The following ACSM4 variants were observed in gnomAD, a reference collection of about 807,000 sequenced individuals.
ACSM4 encodes the protein acyl-coenzyme A synthetase ACSM4, mitochondrial.
In ACSM4, 66 loss-of-function variants were observed where a neutral mutation model predicts 73.0. The observed-to-expected ratio is 0.90, with a 90% CI of 0.74 to 1.11. The LOEUF (loss-of-function observed/expected upper bound fraction) is 1.11. Ranked by LOEUF, ACSM4 falls within the 50% of genes least tolerant of loss-of-function variation. The pLI is 0.00. For synonymous variants in ACSM4, 222 were observed against 254.0 expected (o/e 0.87, Z 1.20); for missense variants, 645 against 714.4 (o/e 0.90, Z 1.11).
Position 7,318,097 on chromosome 12 carries a change from T to C in ACSM4, c.836T>C (p.Ile279Thr), listed in dbSNP as rs757950974. 6 of 1,613,776 alleles carry C rather than the reference T, an allele frequency of 3.7e-6. No homozygotes were observed. In the Admixed American group the frequency reaches 5.0e-5, roughly 13 times the overall value. ...MSDTGWVKAAIGSVFSSWLCG... is the reference protein window; with the variant it reads ...MSDTGWVKAATGSVFSSWLCG... ...GACACGGGCTGGGTCAAGGCCGCCA[T>C]TGGCAGTGTGTTTTCTTCCTGGCTG... The change falls in exon 5 of 13, where the codon ATT becomes ACT. Residue 279 changes from isoleucine to threonine, a missense_variant. Coordinates refer to ENST00000399422, the MANE Select transcript of ACSM4 (RefSeq NM_001080454.2).
chr12:7,305,764 G>C (rs143392731), intron 1 of ACSM4, among the ~76,000 whole-genome samples: 1 of 152,202 alleles, frequency 6.6e-6, no homozygotes, highest in Non-Finnish European at 1.5e-5. Context: ...GCTCACAGAC[G>C]AACTGACATG....
intron 5 of ACSM4, among the ~76,000 whole-genome samples, chr12:7,320,048 A>G (rs1398904189): frequency 6.6e-6 from 1 of 152,220 alleles, no homozygotes; most frequent in African/African-American, 2.4e-5. Flanking sequence ...CAGCCCAGAC[A>G]TACATTTTGA....
At chr12:7,316,710 C>A (rs1236275032) in intron 3 of ACSM4, among the ~76,000 whole-genome samples, 1 of 152,154 alleles carries the variant, frequency 6.6e-6, no homozygotes, top group East Asian at 1.9e-4. Flanking sequence ...AAGTTTGAAT[C>A]AAATGCCAAA....
chr12:7,320,726 CACTT>C lies in ACSM4; in HGVS notation c.927_930del (p.Thr310LeufsTer34). Reference sequence around the variant, plus strand: ...TCTGTGTCTTTCTCCATCATCCAGACACTTACTACTTATCCCATCACGACCCTGT... The same window carrying C: ...TCTGTGTCTTTCTCCATCATCCAGACACTACTTATCCCATCACGACCCTGT... On this transcript the variant is annotated frameshift_variant and splice_region_variant, in exon 6 of 13. Coordinates refer to ENST00000399422, the MANE Select transcript of ACSM4 (RefSeq NM_001080454.2). LOFTEE classifies it high-confidence loss of function. 1 of 1,612,830 alleles carries C rather than the reference CACTT, an allele frequency of 6.2e-7. No homozygotes were observed. Among genetic ancestry groups the C allele is most frequent in the African/African-American group, 1.3e-5 (1 of 74,970 alleles).
chr12:7,317,073 G>A (rs572690482), intron 3 of ACSM4, 64 bp from the exon 4 acceptor site: 3 of 1,545,894 alleles, frequency 1.9e-6, no homozygotes, highest in Admixed American at 1.9e-5. Flanking sequence ...GTTGAGCAGA[G>A]GAAATATCAG....
At chr12:7,326,421 G>C (rs1946506242) in intron 11 of ACSM4, among the ~76,000 whole-genome samples, 1 of 152,124 alleles carries the variant, frequency 6.6e-6, no homozygotes, top group Non-Finnish European at 1.5e-5. Flanking sequence ...TGTTGACCAG[G>C]CTGGTTTCAA....
chr12:7,308,745 A>G (rs1010952407), intron 2 of ACSM4, among the ~76,000 whole-genome samples: 5 of 152,216 alleles, frequency 3.3e-5, no homozygotes, highest in African/African-American at 1.2e-4. Context: ...TCACTTTCTC[A>G]AGAAGGGATG....
Position 7,312,082 on chromosome 12 carries a change from C to G in ACSM4, c.620+1336C>G, listed in dbSNP as rs368579746. 9.9e-5 allele frequency among the ~76,000 whole-genome samples: 15 copies of G among 152,196 alleles called. No homozygotes were observed. In the South Asian group the frequency reaches 1.4e-3, roughly 15 times the overall value. On this transcript the variant is annotated intron_variant, in intron 3 of 12. Transcript: ENST00000399422. ...CAACAGCAGAGTGGAGTAGTTACAACAGAAACTGTATGGCCCACAAAGCCT... is the reference window on the plus strand; with the variant it reads ...CAACAGCAGAGTGGAGTAGTTACAAGAGAAACTGTATGGCCCACAAAGCCT...
At chr12:7,324,091 T>TC (rs1030072486) in intron 9 of ACSM4, among the ~76,000 whole-genome samples, 182 bp from the exon 10 acceptor site, 34 of 151,490 alleles carry the variant, frequency 2.2e-4, no homozygotes, top group African/African-American at 8.0e-4. Flanking sequence ...GGTGAGAGGA[T>TC]CACTAGAGCC....
At chr12:7,310,361 T>G (rs1946383293) in intron 2 of ACSM4, among the ~76,000 whole-genome samples, 178 bp from the exon 3 acceptor site, 1 of 152,194 alleles carries the variant, frequency 6.6e-6, no homozygotes, top group African/African-American at 2.4e-5. Context: ...CTGAAGCTAG[T>G]GCTCCAAGGG....
At chr12:7,324,236 A>G in intron 9 of ACSM4, 37 bp from the exon 10 acceptor site, 1 of 1,607,330 alleles carries the variant, frequency 6.2e-7, no homozygotes, top group Non-Finnish European at 8.5e-7. Context: ...CTCTGTTCTG[A>G]CCAGACTAAT....
intron 3 of ACSM4, among the ~76,000 whole-genome samples, chr12:7,316,918 G>C (rs549527237): frequency 8.5e-5 from 13 of 152,154 alleles, no homozygotes; most frequent in Non-Finnish European, 1.8e-4. Context: ...GGGAGATGAA[G>C]CTTAAAAAAA....
chr12:7,326,927 A>G lies in ACSM4; in HGVS notation c.1537-49A>G, dbSNP rs1226083673. ...GTTCAGCATTTGTTGCAAATCCTTG[A>G]TGTGTCTGAAAAACAAATGAGCAAG... On this transcript the variant is annotated intron_variant, in intron 11 of 12. Transcript: ENST00000399422. 3.3e-6 allele frequency: 5 copies of G among 1,535,544 alleles called. No individual in the cohort carries two copies. The African/African-American group carries it at 6.9e-5, about 21-fold the overall frequency.
chr12:7,328,167 T>C, intron 12 of ACSM4, 120 bp from the exon 13 acceptor site: 1 of 687,778 alleles, frequency 1.5e-6, no homozygotes, highest in South Asian at 1.9e-5. Flanking sequence ...TCAATGAGCT[T>C]AGGCTAAGAT....
At chr12:7,328,227 C>T (rs769643063) in intron 12 of ACSM4, 60 bp from the exon 13 acceptor site, 20 of 1,306,908 alleles carry the variant, frequency 1.5e-5, no homozygotes, top group African/African-American at 3.0e-5. Flanking sequence ...TCCTTCCTAT[C>T]GCACGGACAA....
rs770542756 is a variant in ACSM4 at position 7,314,388 on chromosome 12, CT to C, written c.621-2748del. 4.8e-4 allele frequency among the ~76,000 whole-genome samples: 73 copies of C among 152,262 alleles called. 1 individual carries two copies. The highest frequency in any genetic ancestry group is 6.9e-4 in the Non-Finnish European group (47 of 68,024). On this transcript the variant is annotated intron_variant, in intron 3 of 12. Transcript: ENST00000399422. ...ATTAGTATATAATTAGCTCTGAAAT[CT>C]AGAAAGGCATAACTCGGAACTCAGG...
In ACSM4 at chr12:7,328,299, C is replaced by T; in HGVS notation, c.1669C>T (p.Gln557Ter). ...TTCTGTCAATTAGGTGGAATTTGTT[C>T]AAGAACTCCCAAAGACAATCACTGG... ...YKYPRKVEFV[Q>*]ELPKTITGKI... is the part of the protein sequence containing the mutation. The change falls in exon 13 of 13, where the codon CAA becomes TAA. Residue 557 changes from glutamine to a stop codon, truncating the protein, a stop_gained. Transcript: ENST00000399422. LOFTEE classifies it high-confidence loss of function. The T allele has an allele frequency of 1.3e-6, 2 of 1,586,010 alleles. No homozygotes were observed.
intron 3 of ACSM4, among the ~76,000 whole-genome samples, chr12:7,314,560 A>T (rs1240814414): frequency 1.3e-5 from 2 of 152,188 alleles, no homozygotes; most frequent in African/African-American, 2.4e-5. Flanking sequence ...ATAGGTAGAT[A>T]GGTGGATGGA....
Position 7,306,582 on chromosome 12 carries a change from G to T in ACSM4, c.251G>T (p.Gly84Val). ...NPALWWVNGK[G>V]DEVKWSFREL... ...GCCCTGTGGTGGGTGAATGGCAAAG[G>T]GGATGAGGTAAAATGGAGCTTCAGA... Residue 84 changes from glycine to valine, a missense_variant, in exon 2 of 13, where the codon GGG (glycine) becomes GTG (valine). Transcript: ENST00000399422. 6.2e-7 allele frequency: 1 copy of T among 1,602,388 alleles called. No individual in the cohort carries two copies. The highest frequency in any genetic ancestry group is 1.3e-5 in the African/African-American group (1 of 74,804).
Sources: allele counts gnomAD v4.1 joint callset (sites outside exome capture counted in the v4.1 genomes callset), GRCh38; gene constraint gnomAD v4.1.1; transcripts MANE v1.5; gene names NCBI Gene and HGNC (gene_info 2026-07-23, HGNC 2026-07-21).